Variants in ZNF567 observed in about 807,000 individuals in gnomAD.
The protein encoded by ZNF567 is zinc finger protein 567.
ZNF567 carries 36 observed loss-of-function variants against 53.9 expected under a neutral mutation model. The observed-to-expected ratio is 0.67, with a 90% CI of 0.51 to 0.88. The LOEUF is 0.88. Among genes scored for constraint, ZNF567 ranks in the 40% least tolerant of loss-of-function variants. ZNF567 has a pLI of 0.00. For missense variants in ZNF567, 619 were observed against 764.7 expected (o/e 0.81, Z 2.25); for synonymous variants, 224 against 260.4 (o/e 0.86, Z 1.35).
Position 36,719,712 on chromosome 19 carries a change from A to T in ZNF567, c.988A>T (p.Thr330Ser). ...LKTALTDHQR[T>S]HTGEKSYECL... is the part of the protein sequence containing the mutation. ...GACAGCCCTCACTGATCATCAGAGA[A>T]CACACACAGGGGAGAAATCGTATGA... The change falls in exon 6 of 6, where the codon ACA becomes TCA. Residue 330 changes from threonine (T) to serine (S), a missense_variant. Transcript: ENST00000682579. The T allele has an allele frequency of 6.2e-7, 1 of 1,614,202 alleles. No homozygotes were observed.
chr19:36,675,965 T>C, the ZNF567 span, among the ~76,000 whole-genome samples: 18 of 151,944 alleles, frequency 1.2e-4, no homozygotes, highest in African/African-American at 4.1e-4. Flanking sequence ...ATGTACACTT[T>C]GATAAATGGC....
the ZNF567 span, among the ~76,000 whole-genome samples, chr19:36,681,595 T>C: frequency 2.8e-5 from 3 of 108,642 alleles, no homozygotes; most frequent in Non-Finnish European, 7.3e-5. Flanking sequence ...ACCCAGCTAA[T>C]TTTTTGTATT....
intron 3 of ZNF567, among the ~76,000 whole-genome samples, chr19:36,710,628 C>G (rs2039732641): frequency 6.6e-6 from 1 of 152,160 alleles, no homozygotes; most frequent in Non-Finnish European, 1.5e-5. Flanking sequence ...CCCTAACCTC[C>G]TGAAAGCAGA....
intron 3 of ZNF567, among the ~76,000 whole-genome samples, chr19:36,701,130 TCTCGTTGG>T (rs2039159980): frequency 6.6e-6 from 1 of 152,214 alleles, no homozygotes; most frequent in Non-Finnish European, 1.5e-5. Context: ...GTGCTTTTGT[TCTCGTTGG>T]TTTCAAAGAA....
At chr19:36,715,542 T>C (rs1366881198) in intron 5 of ZNF567, among the ~76,000 whole-genome samples, 1 of 137,250 alleles carries the variant, frequency 7.3e-6, no homozygotes, top group Non-Finnish European at 1.6e-5. Flanking sequence ...TTATTATTAT[T>C]ATTTGAGATG....
chr19:36,722,304 TATTA>T (rs532849305), downstream of ZNF567, among the ~76,000 whole-genome samples: 10 of 152,260 alleles, frequency 6.6e-5, no homozygotes, highest in East Asian at 1.4e-3. Context: ...AATTGAAATT[TATTA>T]ATTAATTTAT....
chr19:36,676,055 C>CTTTTTTTTTTTTTTTTTTTTTTT, the ZNF567 span, among the ~76,000 whole-genome samples: 5 of 60,600 alleles, frequency 8.3e-5, 1 homozygote, highest in Non-Finnish European at 1.5e-4. Flanking sequence ...TATTCTACAC[C>CTTTTTTTTTTTTTTTTTTTTTTT]TTTTTTTTTT....
At position 36,712,791 on chromosome 19, in the gene ZNF567, G is replaced by T; in HGVS notation, c.147G>T (p.Met49Ile). 6.2e-7 allele frequency: 1 copy of T among 1,613,770 alleles called. No individual in the cohort carries two copies. ...TTTTTCACTTTTCAGGGTGTCACATGACCAAACCTGATGTGATCCTCAAGT... is the reference window on the plus strand; with the variant it reads ...TTTTTCACTTTTCAGGGTGTCACATTACCAAACCTGATGTGATCCTCAAGT... ...YCHLISVGCH[M>I]TKPDVILKLE... The change falls in exon 5 of 6, where the codon ATG becomes ATT. Residue 49 changes from methionine (M) to isoleucine (I), a missense_variant. Physicochemically the swap from Met to Ile is conservative, Grantham distance 10. Transcript: ENST00000682579.
At chr19:36,723,511 T>C (rs1236938147), downstream of ZNF567, among the ~76,000 whole-genome samples, 3 of 152,294 alleles carry the variant, frequency 2.0e-5, no homozygotes, top group African/African-American at 7.2e-5. Context: ...GTATGAGATA[T>C]TAACGGGCAG....
chr19:36,714,537 CCTTA>C (rs1191259676), intron 5 of ZNF567: 1 of 398,198 alleles, frequency 2.5e-6, no homozygotes, highest in Non-Finnish European at 4.4e-6. Flanking sequence ...GTGGTCCTCT[CCTTA>C]CTTACTTAAC....
the ZNF567 span, among the ~76,000 whole-genome samples, chr19:36,673,160 T>C: frequency 6.6e-6 from 1 of 152,232 alleles, no homozygotes; most frequent in Non-Finnish European, 1.5e-5. Flanking sequence ...TTGCATCCTC[T>C]TCTGGGGAAG....
intron 3 of ZNF567, 37 bp from the exon 4 acceptor site, chr19:36,712,349 A>G (rs2039833536): frequency 6.3e-7 from 1 of 1,599,456 alleles, no homozygotes; most frequent in Admixed American, 1.7e-5. Flanking sequence ...TACCTGGCTA[A>G]GTCCACCTGT....
At chr19:36,725,330 G>T (rs1898120960), downstream of ZNF567, among the ~76,000 whole-genome samples, 1 of 152,046 alleles carries the variant, frequency 6.6e-6, no homozygotes, top group Admixed American at 6.6e-5. Context: ...AGTCTCTCAA[G>T]TAGCTGGGAT....
chr19:36,675,251 A>G, the ZNF567 span, among the ~76,000 whole-genome samples: 8 of 152,208 alleles, frequency 5.3e-5, no homozygotes, highest in Non-Finnish European at 8.8e-5. Context: ...TGTTAAAGGT[A>G]TACCTTGGCT....
chr19:36,674,760 CT>C, the ZNF567 span, among the ~76,000 whole-genome samples: 13 of 147,026 alleles, frequency 8.8e-5, no homozygotes, highest in East Asian at 2.0e-4. Context: ...CTTCTTAAAG[CT>C]TTTTTTTTTG....
intron 4 of ZNF567, 41 bp from the exon 5 acceptor site, chr19:36,712,740 A>G (rs1387298719): frequency 2.5e-6 from 4 of 1,579,740 alleles, no homozygotes; most frequent in Non-Finnish European, 3.5e-6. Context: ...TTTCAGTGGT[A>G]TTATAGCCCA....
At chr19:36,682,820 G>A (rs2038207420), upstream of ZNF567, among the ~76,000 whole-genome samples, 1 of 151,568 alleles carries the variant, frequency 6.6e-6, no homozygotes, top group Admixed American at 6.6e-5. Context: ...TGTTAGCCAG[G>A]ATGGTCTCAA....
chr19:36,696,438 C>G (rs2038891777), intron 3 of ZNF567, among the ~76,000 whole-genome samples: 1 of 152,166 alleles, frequency 6.6e-6, no homozygotes. Flanking sequence ...CTAGATATCG[C>G]CACCTACATG....
the ZNF567 span, among the ~76,000 whole-genome samples, chr19:36,679,627 C>T: frequency 1.3e-5 from 2 of 152,120 alleles, no homozygotes; most frequent in African/African-American, 2.4e-5. Flanking sequence ...AGGATATATA[C>T]ACAGTGGAAT....
Sources: gnomAD v4.1 joint callset for allele counts (sites outside exome capture counted in the v4.1 genomes callset) on GRCh38, gnomAD v4.1.1 for gene constraint, MANE v1.5 for transcripts, NCBI Gene and HGNC (gene_info 2026-07-23, HGNC 2026-07-21) for gene names.